MAPT: variants seen among roughly 807,000 people sequenced by gnomAD.
MAPT encodes the protein microtubule-associated protein tau.
MAPT carries 34 observed loss-of-function variants against 67.9 expected under a neutral mutation model. That is an observed-to-expected ratio of 0.50 (90% CI 0.38 to 0.67). The LOEUF (loss-of-function observed/expected upper bound fraction) is 0.67, where lower values mean the gene tolerates loss of function less well. MAPT is among the 30% of genes least tolerant of loss of function. MAPT has a pLI of 0.00. For missense variants in MAPT, 881 were observed against 1,115.2 expected (o/e 0.79, Z 2.99); for synonymous variants, 456 against 464.5 (o/e 0.98, Z 0.23).
intron 1 of MAPT, among the ~76,000 whole-genome samples, chr17:45,941,716 T>TTCCTTCCC (rs2067991505): frequency 8.2e-6 from 1 of 121,588 alleles, no homozygotes; most frequent in Non-Finnish European, 1.7e-5. Context: ...CCTTCCTTCC[T>TTCCTTCCC]TCCTTCCTTC....
intron 7 of MAPT, among the ~76,000 whole-genome samples, chr17:45,991,146 A>G (rs2074027063): frequency 6.6e-6 from 1 of 152,236 alleles, no homozygotes; most frequent in Non-Finnish European, 1.5e-5. Flanking sequence ...GATGATTGAC[A>G]TGGAGTGGAG....
chr17:46,018,556 T>C, intron 11 of MAPT, 62 bp from the exon 12 acceptor site: 1 of 1,223,986 alleles, frequency 8.2e-7, no homozygotes, highest in Non-Finnish European at 1.2e-6. Context: ...ATGTAATGTA[T>C]GTTAAGTCCA....
chr17:46,023,818 G>T (rs2076675570), intron 12 of MAPT, 138 bp from the exon 13 acceptor site: 2 of 743,036 alleles, frequency 2.7e-6, no homozygotes, highest in Non-Finnish European at 4.7e-6. Context: ...TCTAGCCTGG[G>T]CGATAGAGCA....
At chr17:45,945,577 C>G (rs900536680) in intron 1 of MAPT, among the ~76,000 whole-genome samples, 6 of 152,180 alleles carry the variant, frequency 3.9e-5, no homozygotes, top group African/African-American at 1.4e-4. Context: ...CTTTGGGAGG[C>G]CAAGGCAGGC....
intron 1 of MAPT, among the ~76,000 whole-genome samples, chr17:45,946,524 G>A (rs972422283): frequency 1.3e-4 from 19 of 148,292 alleles, no homozygotes; most frequent in Admixed American, 2.0e-4. Flanking sequence ...GCTTGAACCC[G>A]AGAGGTAGAG....
chr17:45,908,813 G>A (rs1467967), intron 1 of MAPT, among the ~76,000 whole-genome samples: 100,462 of 152,042 alleles, frequency 0.66, 33,310 homozygotes, highest in Middle Eastern at 0.72. Context: ...CCACATTTAA[G>A]AAAATCCACC....
intron 1 of MAPT, among the ~76,000 whole-genome samples, chr17:45,933,873 T>C (rs556879856): frequency 1.3e-5 from 2 of 149,990 alleles, no homozygotes; most frequent in Non-Finnish European, 3.0e-5. Context: ...TTACATTTAC[T>C]TTTAAAAAAT....
intron 9 of MAPT, among the ~76,000 whole-genome samples, chr17:46,000,484 G>A (rs56301633): frequency 0.14 from 21,991 of 152,078 alleles, 2,115 homozygotes; most frequent in Non-Finnish European, 0.22. Context: ...GGAAGAGCCC[G>A]TAGGCCCCGC....
intron 5 of MAPT, among the ~76,000 whole-genome samples, 161 bp downstream of exon 5, chr17:45,984,091 G>A (rs1044408683): frequency 3.9e-5 from 6 of 152,250 alleles, no homozygotes; most frequent in Middle Eastern, 6.8e-3. Flanking sequence ...CCACTCCCTC[G>A]GCCTCCTCCC....
intron 1 of MAPT, among the ~76,000 whole-genome samples, chr17:45,955,872 A>G (rs1165918737): frequency 1.3e-5 from 2 of 152,106 alleles, no homozygotes; most frequent in African/African-American, 4.8e-5. Context: ...AGTAGCTGGG[A>G]TTACAGGTAC....
At chr17:45,939,041 T>G (rs1188326019) in intron 1 of MAPT, among the ~76,000 whole-genome samples, 1 of 152,150 alleles carries the variant, frequency 6.6e-6, no homozygotes, top group Non-Finnish European at 1.5e-5. Flanking sequence ...CTCAAACTCC[T>G]GATCTCAAGT....
intron 5 of MAPT, among the ~76,000 whole-genome samples, chr17:45,984,923 C>G (rs1016190581): frequency 2.6e-5 from 4 of 152,218 alleles, no homozygotes; most frequent in Non-Finnish European, 5.9e-5. Flanking sequence ...GTTACTGAAG[C>G]TCACAGTTGC....
At chr17:46,015,074 A>G (rs1409792256) in intron 11 of MAPT, among the ~76,000 whole-genome samples, 2 of 152,196 alleles carry the variant, frequency 1.3e-5, no homozygotes, top group East Asian at 3.8e-4. Flanking sequence ...ATTTAATTGT[A>G]CATTTAAAAA....
At chr17:45,947,383 C>CTTTTTTTT (rs374326954) in intron 1 of MAPT, among the ~76,000 whole-genome samples, 1 of 138,446 alleles carries the variant, frequency 7.2e-6, no homozygotes, top group Non-Finnish European at 1.6e-5. Context: ...CTTTCTTTTT[C>CTTTTTTTT]TTTTTTTTTT....
chr17:45,954,411 C>T (rs2069396527), intron 1 of MAPT, among the ~76,000 whole-genome samples: 1 of 152,166 alleles, frequency 6.6e-6, no homozygotes, highest in Non-Finnish European at 1.5e-5. Flanking sequence ...CGCTTGAGCT[C>T]TGGAGTTCAT....
chr17:45,926,576 G>C (rs1158873350), intron 1 of MAPT, among the ~76,000 whole-genome samples: 2 of 152,192 alleles, frequency 1.3e-5, no homozygotes, highest in Non-Finnish European at 2.9e-5. Context: ...GCCTCCCGAA[G>C]TGCTGGGGTT....
rs1410682105 is a variant in MAPT at position 45,915,451 on chromosome 17, A to T, written c.-18+20765A>T. 8.0e-5 allele frequency among the ~76,000 whole-genome samples: 9 copies of T among 112,414 alleles called. No individual in the cohort carries two copies. The highest frequency in any genetic ancestry group is 1.3e-4 in the Non-Finnish European group (6 of 44,754). 73.7% of individuals were successfully genotyped at this position (112,414 alleles called of 152,430 possible). A position where few individuals can be genotyped will look rare whatever the true frequency, so the allele number is the denominator to read the frequency against. On this transcript the variant is annotated intron_variant, in intron 1 of 12. Coordinates refer to ENST00000262410, the MANE Select transcript of MAPT (RefSeq NM_001377265.1). The surrounding 1 kb of genome is among the most constrained non-coding windows in gnomAD (Gnocchi z 4.4). Reference sequence around the variant, plus strand: ...TGTGTGTGGTGTGTAAGCATGTGTGAGTGTGTATGTTTGAGCATGTGTGGT... The same window carrying T: ...TGTGTGTGGTGTGTAAGCATGTGTGTGTGTGTATGTTTGAGCATGTGTGGT...
At chr17:45,937,880 T>C (rs1172730939) in intron 1 of MAPT, among the ~76,000 whole-genome samples, 2 of 152,166 alleles carry the variant, frequency 1.3e-5, no homozygotes, top group African/African-American at 4.8e-5. Flanking sequence ...ACAAGCACCC[T>C]AGCCTCTTGG....
intron 9 of MAPT, among the ~76,000 whole-genome samples, chr17:46,009,591 G>GTTTTTCC (rs2146006220): frequency 8.9e-6 from 1 of 112,942 alleles, no homozygotes; most frequent in South Asian, 2.4e-4. Context: ...GATGGAAGGA[G>GTTTTTCC]AAGGCACAGC....
Sources: allele counts gnomAD v4.1 joint callset (sites outside exome capture counted in the v4.1 genomes callset), GRCh38; gene constraint gnomAD v4.1.1; non-coding constraint Gnocchi (gnomAD v3.1); transcripts MANE v1.5; gene names NCBI Gene and HGNC (gene_info 2026-07-23, HGNC 2026-07-21).